Variants in TMEM272 observed in about 807,000 individuals in gnomAD.
TMEM272 encodes the protein long intergenic non-protein coding RNA 282.
In TMEM272, 8 loss-of-function variants were observed where a neutral mutation model predicts 3.7. That is an observed-to-expected ratio of 2.17 (90% CI 1.27 to 3.91). The LOEUF is 3.91. TMEM272 is among the 30% of genes most tolerant of loss of function. The pLI is 0.00. For missense variants in TMEM272, 166 were observed against 91.5 expected, an observed-to-expected ratio of 1.81 and a Z score of -3.32; for synonymous variants, 63 against 39.8, an observed-to-expected ratio of 1.58 and a Z score of -2.20.
chr13:51,853,419 AAAAG>A, the TMEM272 span, among the ~76,000 whole-genome samples: 1 of 152,172 alleles, frequency 6.6e-6, no homozygotes, highest in Admixed American at 6.5e-5. Flanking sequence ...CTCAAAAAAA[AAAAG>A]AAAGAAGAAA....
the TMEM272 span, among the ~76,000 whole-genome samples, chr13:51,873,039 A>G: frequency 1.8e-4 from 27 of 152,356 alleles, no homozygotes; most frequent in Non-Finnish European, 2.9e-4. Flanking sequence ...CCCAGGGGAC[A>G]GCTGTGGCCC....
chr13:51,929,706 A>T, the TMEM272 span, among the ~76,000 whole-genome samples: 2 of 152,268 alleles, frequency 1.3e-5, no homozygotes, highest in African/African-American at 4.8e-5. Flanking sequence ...TGCCAGTGCC[A>T]AATGGGTTTG....
chr13:51,818,217 T>A (rs1956050751), intron 4 of TMEM272, among the ~76,000 whole-genome samples: 2 of 151,934 alleles, frequency 1.3e-5, no homozygotes, highest in South Asian at 2.1e-4. Context: ...ATGCTGAGCT[T>A]GAGTGAAATG....
chr13:51,907,260 T>C, the TMEM272 span, among the ~76,000 whole-genome samples: 2 of 152,174 alleles, frequency 1.3e-5, no homozygotes, highest in Non-Finnish European at 2.9e-5. Flanking sequence ...TCTGATACCA[T>C]ATTAACCATG....
chr13:51,928,574 C>T, the TMEM272 span, among the ~76,000 whole-genome samples: 1 of 152,182 alleles, frequency 6.6e-6, no homozygotes, highest in Non-Finnish European at 1.5e-5. Flanking sequence ...CCACTGCGTA[C>T]CTTGCACTTG....
chr13:51,883,431 C>T, the TMEM272 span, among the ~76,000 whole-genome samples: 300 of 152,260 alleles, frequency 2.0e-3, 1 homozygote, highest in Middle Eastern at 6.8e-3. Context: ...AAGCTCTTGA[C>T]CCAAGAAGGG....
At chr13:51,902,727 G>A in the TMEM272 span, among the ~76,000 whole-genome samples, 30 of 152,194 alleles carry the variant, frequency 2.0e-4, no homozygotes, top group East Asian at 5.8e-4. Flanking sequence ...AAACCCAAAC[G>A]GGAACCATTC....
the TMEM272 span, among the ~76,000 whole-genome samples, chr13:51,871,692 C>G: frequency 1.3e-5 from 2 of 152,082 alleles, no homozygotes; most frequent in African/African-American, 2.4e-5. Context: ...AGATTCCCAA[C>G]TCACAGAAAT....
At chr13:51,854,156 GC>G in the TMEM272 span, among the ~76,000 whole-genome samples, 1 of 152,220 alleles carries the variant, frequency 6.6e-6, no homozygotes, top group African/African-American at 2.4e-5. Flanking sequence ...CCGTGAGCTC[GC>G]TGATGTTAAG....
the TMEM272 span, among the ~76,000 whole-genome samples, chr13:51,928,226 G>A: frequency 6.6e-6 from 1 of 152,212 alleles, no homozygotes; most frequent in Non-Finnish European, 1.5e-5. Flanking sequence ...GCCCAACATA[G>A]AAAGGTGGCT....
intron 4 of TMEM272, among the ~76,000 whole-genome samples, chr13:51,818,448 C>T (rs1004059354): frequency 1.3e-5 from 2 of 152,124 alleles, no homozygotes; most frequent in African/African-American, 4.8e-5. Flanking sequence ...TGGAGGTGAA[C>T]AGAGAGAGGT....
chr13:51,887,560 C>T, the TMEM272 span, among the ~76,000 whole-genome samples: 1 of 152,218 alleles, frequency 6.6e-6, no homozygotes, highest in Admixed American at 6.5e-5. Context: ...AGGACATGCC[C>T]AGACAATGAA....
the TMEM272 span, among the ~76,000 whole-genome samples, chr13:51,904,416 T>C: frequency 6.6e-6 from 1 of 152,148 alleles, no homozygotes; most frequent in Non-Finnish European, 1.5e-5. Context: ...ATGATGATAA[T>C]GATAATTGAT....
At chr13:51,851,603 C>T in the TMEM272 span, among the ~76,000 whole-genome samples, 75 of 148,060 alleles carry the variant, frequency 5.1e-4, 1 homozygote, top group East Asian at 0.011. Context: ...CGGCTCACCA[C>T]AACCTCCACC....
At chr13:51,841,194 C>T (rs1956260587) in intron 1 of TMEM272, among the ~76,000 whole-genome samples, 1 of 152,214 alleles carries the variant, frequency 6.6e-6, no homozygotes, top group Non-Finnish European at 1.5e-5. Context: ...CGGTTCCTTT[C>T]CTCACCCTTC....
rs570816183 is a variant in TMEM272, at chr13:51,822,893, CAT to C, written c.119-758_119-757del. Among the ~76,000 whole-genome samples the C allele has an allele frequency of 7.9e-5, 12 of 152,316 alleles. No individual in the cohort carries two copies. The East Asian group carries it at 2.3e-3, about 29-fold the overall frequency. On this transcript the variant is annotated intron_variant, in intron 3 of 4. Transcript: ENST00000629372. Reference sequence around the variant, plus strand: ...CCAATGATATGATGTGTCTATTTAACATATAAAGAAGAAATGCCCATTTCCCT... The same window carrying C: ...CCAATGATATGATGTGTCTATTTAACATAAAGAAGAAATGCCCATTTCCCT...
In TMEM272 at chr13:51,816,087, C is replaced by G. The variant is rs1295174893; in HGVS notation, c.*664G>C. The stretch of plus-strand genomic sequence containing the variant: ...CACACGGCGCTGCACTCCGCAATGC[C>G]TGTAGCAGGCCAGCCCGCCCCCTAT... On this transcript the variant is annotated 3_prime_UTR_variant, in exon 5 of 5. Coordinates refer to ENST00000629372, the MANE Select transcript of TMEM272 (RefSeq NM_001351003.2). 6.5e-6 allele frequency: 1 copy of G among 152,854 alleles called. No homozygotes were observed. Among genetic ancestry groups the G allele is most frequent in the Non-Finnish European group, 1.5e-5 (1 of 68,528 alleles). 9.5% of individuals were successfully genotyped at this position (152,854 alleles called of 1,614,324 possible). A position where few individuals can be genotyped will look rare whatever the true frequency, so the allele number is the denominator to read the frequency against.
At chr13:51,926,827 AT>A in the TMEM272 span, among the ~76,000 whole-genome samples, 1 of 152,214 alleles carries the variant, frequency 6.6e-6, no homozygotes, top group African/African-American at 2.4e-5. Flanking sequence ...TCTGTGATGC[AT>A]TTATACTTCT....
chr13:51,861,126 A>C, the TMEM272 span, among the ~76,000 whole-genome samples: 1 of 152,198 alleles, frequency 6.6e-6, no homozygotes, highest in Non-Finnish European at 1.5e-5. Flanking sequence ...TATATGTAGA[A>C]TATTAAAAAA....
Sources: gnomAD v4.1 joint callset for allele counts (sites outside exome capture counted in the v4.1 genomes callset) on GRCh38, gnomAD v4.1.1 for gene constraint, MANE v1.5 for transcripts, NCBI Gene and HGNC (gene_info 2026-07-23, HGNC 2026-07-21) for gene names.